The following CSMD1 variants were observed in gnomAD, a reference collection of about 807,000 sequenced individuals.
CSMD1 encodes CUB and Sushi multiple domains 1.
In CSMD1, 213 loss-of-function variants were observed where a neutral mutation model predicts 417.5. The observed-to-expected ratio is 0.51, with a 90% confidence interval of 0.46 to 0.57. The LOEUF is 0.57. CSMD1 is among the 20% of genes least tolerant of loss of function. CSMD1 has a pLI of 0.00. For synonymous variants in CSMD1, 2,862 were observed against 1,736.8 expected, an observed-to-expected ratio of 1.65 and a Z score of -16.11; for missense variants, 6,923 against 4,529.7, an observed-to-expected ratio of 1.53 and a Z score of -15.17.
At chr8:3,168,604 A>C (rs1285227787) in intron 37 of CSMD1, among the ~76,000 whole-genome samples, 2 of 151,160 alleles carry the variant, frequency 1.3e-5, no homozygotes, top group Admixed American at 1.3e-4. Context: ...TCTATGTCAC[A>C]GTGTGTAAGG....
intron 1 of CSMD1, among the ~76,000 whole-genome samples, chr8:4,728,091 T>C (rs902267104): frequency 1.4e-5 from 2 of 147,008 alleles, no homozygotes; most frequent in Non-Finnish European, 3.0e-5. Context: ...TAGGTAAATA[T>C]GTACATTTGG....
chr8:4,206,425 A>C (rs1799985221), intron 3 of CSMD1, among the ~76,000 whole-genome samples: 1 of 152,082 alleles, frequency 6.6e-6, no homozygotes, highest in South Asian at 2.1e-4. Context: ...TATGACTGAG[A>C]ACATGCGGTG....
chr8:4,702,853 CATT>C (rs1376273196), intron 1 of CSMD1, among the ~76,000 whole-genome samples: 1 of 151,948 alleles, frequency 6.6e-6, no homozygotes, highest in Non-Finnish European at 1.5e-5. Context: ...TAATGGATAA[CATT>C]ATTAAAGAAA....
intron 10 of CSMD1, among the ~76,000 whole-genome samples, chr8:3,573,135 C>A (rs997525866): frequency 6.6e-6 from 1 of 152,038 alleles, no homozygotes; most frequent in Non-Finnish European, 1.5e-5. Flanking sequence ...TGTTACACTA[C>A]CAGTATTAGC....
At chr8:4,553,674 C>A (rs1050440545) in intron 2 of CSMD1, among the ~76,000 whole-genome samples, 1 of 152,176 alleles carries the variant, frequency 6.6e-6, no homozygotes, top group Non-Finnish European at 1.5e-5. Context: ...ATCTTCAGCA[C>A]ATTTCCCACT....
At chr8:3,462,956 G>T (rs1335143956) in intron 12 of CSMD1, among the ~76,000 whole-genome samples, 1 of 152,200 alleles carries the variant, frequency 6.6e-6, no homozygotes, top group African/African-American at 2.4e-5. Flanking sequence ...GTGCCCTTGT[G>T]AAGGATGTCC....
At chr8:4,322,148 C>G (rs1799305075) in intron 3 of CSMD1, among the ~76,000 whole-genome samples, 1 of 152,122 alleles carries the variant, frequency 6.6e-6, no homozygotes, top group South Asian at 2.1e-4. Flanking sequence ...GATTTCTTTA[C>G]ATTTGAAATA....
At chr8:4,299,526 A>G (rs1213419874) in intron 3 of CSMD1, among the ~76,000 whole-genome samples, 1 of 152,238 alleles carries the variant, frequency 6.6e-6, no homozygotes, top group Non-Finnish European at 1.5e-5. Context: ...TGCTGAGTAT[A>G]TTGCAAAGAA....
intron 49 of CSMD1, among the ~76,000 whole-genome samples, chr8:3,075,134 C>A (rs911048820): frequency 2.6e-5 from 4 of 152,140 alleles, no homozygotes; most frequent in African/African-American, 9.7e-5. Flanking sequence ...CACCTTCTGC[C>A]ATGATTAGAA....
intron 28 of CSMD1, among the ~76,000 whole-genome samples, chr8:3,220,587 C>G (rs983326329): frequency 6.6e-6 from 1 of 152,182 alleles, no homozygotes; most frequent in African/African-American, 2.4e-5. Flanking sequence ...AATCCCAGCA[C>G]TTTGGGAGGC....
At chr8:4,450,983 CTG>C in intron 2 of CSMD1, among the ~76,000 whole-genome samples, 1 of 151,440 alleles carries the variant, frequency 6.6e-6, no homozygotes, top group African/African-American at 2.4e-5. Flanking sequence ...TATTTGGGTA[CTG>C]AATTGACAGC....
intron 7 of CSMD1, among the ~76,000 whole-genome samples, chr8:3,690,688 G>C (rs12674477): frequency 7.2e-5 from 11 of 152,138 alleles, no homozygotes; most frequent in African/African-American, 2.4e-4. Context: ...GGAAGGCTGA[G>C]AAGTACATAA....
At chr8:4,915,124 T>C (rs934437972) in intron 1 of CSMD1, among the ~76,000 whole-genome samples, 1 of 152,172 alleles carries the variant, frequency 6.6e-6, no homozygotes, top group Admixed American at 6.5e-5. Context: ...CCAACTGTGG[T>C]TGCCGAACGA....
chr8:3,455,862 G>A (rs1284056500), intron 12 of CSMD1, among the ~76,000 whole-genome samples: 1 of 152,214 alleles, frequency 6.6e-6, no homozygotes, highest in Admixed American at 6.5e-5. Context: ...ATTTAAGTCT[G>A]CAGAGGTTTC....
At chr8:3,301,461 T>C (rs1804401683) in intron 25 of CSMD1, among the ~76,000 whole-genome samples, 1 of 152,118 alleles carries the variant, frequency 6.6e-6, no homozygotes, top group South Asian at 2.1e-4. Flanking sequence ...GGAAGGTAAC[T>C]GATGAAGAGA....
At chr8:4,175,589 T>C (rs1034714626) in intron 3 of CSMD1, among the ~76,000 whole-genome samples, 3 of 151,860 alleles carry the variant, frequency 2.0e-5, no homozygotes, top group Non-Finnish European at 4.4e-5. Flanking sequence ...ATTAGGAGAG[T>C]AAATATACAA....
At chr8:3,869,640 G>T (rs766979578) in intron 5 of CSMD1, among the ~76,000 whole-genome samples, 8 of 152,286 alleles carry the variant, frequency 5.3e-5, no homozygotes, top group Non-Finnish European at 8.8e-5. Context: ...CTAACCTGGG[G>T]AAAGTTCTGC....
rs1292599995 is a variant in CSMD1, at chr8:3,094,248, G to A, written c.7139-2586C>T. Among the ~76,000 whole-genome samples, 6 of 152,202 alleles carry A rather than the reference G, an allele frequency of 3.9e-5. No individual in the cohort carries two copies. In the East Asian group the frequency reaches 1.2e-3, roughly 29 times the overall value. ...AGGCTCCTGAGTAGCTGGGATTACA[G>A]GCGCCTGCCACCGCGCCCAGCTAAC... On this transcript the variant is annotated intron_variant, in intron 47 of 69. Transcript: ENST00000635120.
At chr8:3,402,468 T>A (rs1160550844) in intron 15 of CSMD1, among the ~76,000 whole-genome samples, 1 of 152,148 alleles carries the variant, frequency 6.6e-6, no homozygotes, top group Non-Finnish European at 1.5e-5. Context: ...CATTGAGGAA[T>A]ACGAGCCTGT....
Sources: allele counts gnomAD v4.1 joint callset (sites outside exome capture counted in the v4.1 genomes callset), GRCh38; gene constraint gnomAD v4.1.1; transcripts MANE v1.5; gene names NCBI Gene and HGNC (gene_info 2026-07-23, HGNC 2026-07-21).